Variants in NBEA observed in about 807,000 individuals in gnomAD.
NBEA encodes the protein lysosomal-trafficking regulator 2.
Under a neutral mutation model 343.4 loss-of-function variants are expected in NBEA, and 44 were observed. The ratio of observed to expected loss-of-function variants is 0.13; its 90% CI spans 0.10 to 0.16. The LOEUF is 0.16. Among genes scored for constraint, NBEA ranks in the 10% least tolerant of loss-of-function variants. The pLI, the probability that NBEA is intolerant of heterozygous loss-of-function variation, is 1.00. For missense variants in NBEA, 2,555 were observed against 3,631.3 expected, an observed-to-expected ratio of 0.70 and a Z score of 7.62; for synonymous variants, 1,175 against 1,238.7, an observed-to-expected ratio of 0.95 and a Z score of 1.08.
chr13:35,545,282 C>T (rs763315879), intron 41 of NBEA, among the ~76,000 whole-genome samples: 6 of 152,140 alleles, frequency 3.9e-5, no homozygotes, highest in Admixed American at 6.5e-5. Flanking sequence ...ATTAACTCAT[C>T]ACTTGCCTGA....
chr13:34,975,558 G>A (rs2060140466), intron 1 of NBEA, among the ~76,000 whole-genome samples: 4 of 152,040 alleles, frequency 2.6e-5, no homozygotes, highest in South Asian at 2.1e-4. Flanking sequence ...AGAAGCAAAC[G>A]TAACAAAAAC....
chr13:34,962,264 A>G (rs780183542), intron 1 of NBEA, among the ~76,000 whole-genome samples: 11 of 151,980 alleles, frequency 7.2e-5, no homozygotes, highest in African/African-American at 2.7e-4. Context: ...TTTTCTCTCT[A>G]TGTGTGCATA....
At chr13:35,014,065 T>C (rs966467568) in intron 1 of NBEA, among the ~76,000 whole-genome samples, 1 of 152,204 alleles carries the variant, frequency 6.6e-6, no homozygotes, top group Non-Finnish European at 1.5e-5. Context: ...AAAATAGAAA[T>C]TTTTGTAAAC....
chr13:35,157,404 C>T (rs1473440612), intron 21 of NBEA, 134 bp downstream of exon 21: 1 of 673,184 alleles, frequency 1.5e-6, no homozygotes, highest in African/African-American at 1.9e-5. Flanking sequence ...TTGTATTTTT[C>T]CCTCATTGTT....
chr13:35,014,217 T>C (rs1160587442), intron 1 of NBEA, among the ~76,000 whole-genome samples: 2 of 152,218 alleles, frequency 1.3e-5, no homozygotes, highest in African/African-American at 4.8e-5. Flanking sequence ...TCTAGTCACG[T>C]ATTTTTTATT....
intron 34 of NBEA, among the ~76,000 whole-genome samples, chr13:35,269,468 A>G (rs564401684): frequency 1.3e-5 from 2 of 152,306 alleles, no homozygotes; most frequent in African/African-American, 4.8e-5. Flanking sequence ...TGGGGGATGC[A>G]TATTCCCTCT....
At chr13:34,967,433 T>A (rs1489168869) in intron 1 of NBEA, among the ~76,000 whole-genome samples, 1 of 151,978 alleles carries the variant, frequency 6.6e-6, no homozygotes, top group Non-Finnish European at 1.5e-5. Flanking sequence ...TTAAGAAGCC[T>A]CTTTTTGGAA....
chr13:34,998,947 TA>T (rs2061030880), intron 1 of NBEA, among the ~76,000 whole-genome samples: 1 of 152,134 alleles, frequency 6.6e-6, no homozygotes, highest in Admixed American at 6.6e-5. Context: ...GAGATTGCAG[TA>T]AAGACAGGCG....
chr13:35,490,113 A>G (rs1039035191), intron 41 of NBEA, among the ~76,000 whole-genome samples: 2 of 151,892 alleles, frequency 1.3e-5, no homozygotes, highest in African/African-American at 4.8e-5. Flanking sequence ...CTGGTAGCTT[A>G]CTGAGGGCAC....
chr13:35,256,472 G>T (rs2032607704), intron 34 of NBEA, among the ~76,000 whole-genome samples: 1 of 152,188 alleles, frequency 6.6e-6, no homozygotes, highest in Non-Finnish European at 1.5e-5. Flanking sequence ...TGAGAGCCTG[G>T]TTCCCAGGCT....
At chr13:35,652,357 A>G (rs867173665) in intron 53 of NBEA, among the ~76,000 whole-genome samples, 27 of 127,738 alleles carry the variant, frequency 2.1e-4, no homozygotes, top group Non-Finnish European at 4.1e-4. Context: ...AAAAAAAAAA[A>G]GGGCCGGGCA....
At chr13:35,305,917 G>C (rs1056236398) in intron 35 of NBEA, among the ~76,000 whole-genome samples, 3 of 152,154 alleles carry the variant, frequency 2.0e-5, no homozygotes, top group Non-Finnish European at 4.4e-5. Context: ...TGGCTGCATA[G>C]TTTGTTCTGA....
chr13:35,353,904 G>A (rs780008944), intron 38 of NBEA, among the ~76,000 whole-genome samples: 12 of 152,156 alleles, frequency 7.9e-5, no homozygotes, highest in Non-Finnish European at 1.8e-4. Flanking sequence ...AATCATGGGA[G>A]CTGGTAAGTC....
At chr13:35,598,133 A>G (rs2081891042) in intron 47 of NBEA, among the ~76,000 whole-genome samples, 3 of 152,176 alleles carry the variant, frequency 2.0e-5, no homozygotes, top group Non-Finnish European at 4.4e-5. Flanking sequence ...TAATTTGGAG[A>G]CCTGGGAGCT....
chr13:34,987,426 A>AT (rs2060590889), intron 1 of NBEA, among the ~76,000 whole-genome samples: 2 of 150,254 alleles, frequency 1.3e-5, no homozygotes, highest in African/African-American at 4.9e-5. Flanking sequence ...TGCCCTTAAC[A>AT]TTTTTTCCTT....
chr13:35,280,182 A>G (rs1334372739), intron 34 of NBEA, among the ~76,000 whole-genome samples: 1 of 152,152 alleles, frequency 6.6e-6, no homozygotes, highest in Non-Finnish European at 1.5e-5. Context: ...TCTTCTGATT[A>G]AACATATATT....
rs367951094 is a variant in NBEA, at chr13:35,645,356, T to C, written c.7618-513T>C. The stretch of plus-strand genomic sequence containing the variant: ...TTACATATAATATTTCAGAAAAAGA[T>C]TTTTGTTAGTCTAGCTTAATATATG... On this transcript the variant is annotated intron_variant, in intron 49 of 58. Transcript: ENST00000379939. Among the ~76,000 whole-genome samples the C allele has an allele frequency of 1.4e-3, 220 of 152,266 alleles. 1 individual carries two copies. Among genetic ancestry groups the C allele is most frequent in the Admixed American group, 2.4e-3 (37 of 15,304 alleles).
intron 35 of NBEA, among the ~76,000 whole-genome samples, chr13:35,296,584 C>T (rs1292634966): frequency 6.6e-6 from 1 of 151,908 alleles, no homozygotes. Flanking sequence ...ACTAAGCCCA[C>T]CTCCCTGACC....
At chr13:35,180,711 G>A (rs2071254845) in intron 28 of NBEA, among the ~76,000 whole-genome samples, 1 of 151,692 alleles carries the variant, frequency 6.6e-6, no homozygotes, top group African/African-American at 2.4e-5. Context: ...GGAAATAGTA[G>A]TATTTGAATA....
Sources: allele counts gnomAD v4.1 joint callset (sites outside exome capture counted in the v4.1 genomes callset), GRCh38; gene constraint gnomAD v4.1.1; transcripts MANE v1.5; gene names NCBI Gene and HGNC (gene_info 2026-07-23, HGNC 2026-07-21).